GET1: variants seen among roughly 807,000 people sequenced by gnomAD.
GET1 encodes congenital heart disease 5 protein.
GET1 carries 20 observed loss-of-function variants against 22.6 expected under a neutral mutation model. The observed-to-expected ratio is 0.89, with a 90% confidence interval of 0.62 to 1.29. The LOEUF is 1.29. Ranked by LOEUF, GET1 falls within the 50% of genes most tolerant of loss-of-function variation. The pLI, the probability that GET1 is intolerant of heterozygous loss-of-function variation, is 0.00. For synonymous variants in GET1, 92 were observed against 83.8 expected, an observed-to-expected ratio of 1.10 and a Z score of -0.53; for missense variants, 209 against 219.9, an observed-to-expected ratio of 0.95 and a Z score of 0.31.
chr21:39,391,066 T>C lies in GET1; in HGVS notation c.268+203T>C, dbSNP rs1449012839. ...CCTTTGCTTTCTAAGCACAGAAATA[T>C]CTAAGATCCTCTCAGATTTTCCTCA... is the stretch of plus-strand genomic sequence containing the variant. On this transcript the variant is annotated intron_variant, in intron 2 of 4. Coordinates refer to ENST00000649170, the MANE Select transcript of GET1 (RefSeq NM_004627.6). 17 of 453,790 alleles carry C rather than the reference T, an allele frequency of 3.7e-5. No homozygotes were observed. The East Asian group carries it at 5.5e-4, about 15-fold the overall frequency. 28.1% of individuals were successfully genotyped at this position (453,790 alleles called of 1,614,324 possible).
chr21:39,409,955 T>C (rs2039806682), downstream of GET1: 2 of 1,260,258 alleles, frequency 1.6e-6, no homozygotes, highest in Non-Finnish European at 2.3e-6. This position sits in a 1 kb window ranked among gnomAD's most constrained non-coding sequence, Gnocchi z 4.2. Flanking sequence ...TCAGATAAGA[T>C]AGACTTTAAA....
downstream of GET1, among the ~76,000 whole-genome samples, chr21:39,399,573 T>C (rs1429782269): frequency 6.6e-6 from 1 of 152,064 alleles, no homozygotes; most frequent in Non-Finnish European, 1.5e-5. Context: ...GCCTCCCGAG[T>C]AGCTGGGACT....
chr21:39,391,752 C>G lies in GET1; in HGVS notation c.269-17C>G. On this transcript the variant is annotated splice_polypyrimidine_tract_variant and intron_variant, in intron 2 of 4. Coordinates refer to ENST00000649170, the MANE Select transcript of GET1 (RefSeq NM_004627.6). ...TTTCAGGACTGACATAATTATTTATCCTGTTTTTCCTTTCAGTGAAAGCTC... is the reference window on the plus strand; with the variant it reads ...TTTCAGGACTGACATAATTATTTATGCTGTTTTTCCTTTCAGTGAAAGCTC... 1 of 1,612,780 alleles carries G rather than the reference C, an allele frequency of 6.2e-7. No individual in the cohort carries two copies. The highest frequency in any genetic ancestry group is 8.5e-7 in the Non-Finnish European group (1 of 1,179,098).
chr21:39,410,953 G>C (rs1424258687), downstream of GET1: 1 of 470,462 alleles, frequency 2.1e-6, no homozygotes, highest in East Asian at 6.9e-5. Flanking sequence ...TATTCCTATG[G>C]TACTTCTGAG....
intron 4 of GET1, among the ~76,000 whole-genome samples, chr21:39,403,254 T>C (rs1419098904): frequency 2.6e-5 from 4 of 152,266 alleles, no homozygotes; most frequent in Non-Finnish European, 5.9e-5. Flanking sequence ...TTCTATGTTA[T>C]TCCACCTTGC....
At chr21:39,420,151 A>G (rs1218448631) in intron 1 of GET1, among the ~76,000 whole-genome samples, 1 of 152,128 alleles carries the variant, frequency 6.6e-6, no homozygotes, top group Non-Finnish European at 1.5e-5. Flanking sequence ...CAAGCTGTTA[A>G]CTCATTCTAA....
intron 1 of GET1, among the ~76,000 whole-genome samples, chr21:39,418,638 T>G (rs2041730436): frequency 6.6e-6 from 1 of 152,080 alleles, no homozygotes; most frequent in Non-Finnish European, 1.5e-5. Context: ...GTAATGGGAT[T>G]ACAGGCACGC....
At chr21:39,417,179 C>T (rs370889499) in intron 1 of GET1, among the ~76,000 whole-genome samples, 16 of 151,996 alleles carry the variant, frequency 1.1e-4, no homozygotes, top group African/African-American at 1.9e-4. Flanking sequence ...ATTACAGGCG[C>T]GCACCACCAC....
In GET1 at chr21:39,396,671, G is replaced by GC. The variant is rs1244381398; in HGVS notation, c.452-194dup. ...ATTGCACTCCAGCCTGGGGGACAGAGCGAGACTCCGTCTCAAAAAAAAAAA... is the reference window on the plus strand; with the variant it reads ...ATTGCACTCCAGCCTGGGGGACAGAGCCGAGACTCCGTCTCAAAAAAAAAAA... On this transcript the variant is annotated intron_variant, in intron 4 of 4. Coordinates refer to ENST00000649170, the MANE Select transcript of GET1 (RefSeq NM_004627.6). Among the ~76,000 whole-genome samples the GC allele has an allele frequency of 2.9e-5, 4 of 136,824 alleles. No homozygotes were observed. The East Asian group carries it at 8.6e-4, about 29-fold the overall frequency. The allele number at this position is 136,824 out of a possible 152,430, so 89.8% of individuals were successfully genotyped here.
intron 1 of GET1, among the ~76,000 whole-genome samples, chr21:39,427,237 T>C (rs570067512): frequency 6.6e-6 from 1 of 152,184 alleles, no homozygotes; most frequent in South Asian, 2.1e-4. Context: ...GGAATACTTA[T>C]GAGCTCAAGA....
At chr21:39,391,581 T>G in intron 2 of GET1, 188 bp from the exon 3 acceptor site, 1 of 590,512 alleles carries the variant, frequency 1.7e-6, no homozygotes, top group Non-Finnish European at 2.9e-6. Flanking sequence ...GGATACTATT[T>G]TAAATAATGG....
At chr21:39,414,865 C>G (rs968048221) in intron 1 of GET1, among the ~76,000 whole-genome samples, 3 of 151,652 alleles carry the variant, frequency 2.0e-5, no homozygotes, top group African/African-American at 7.3e-5. Context: ...TCCAGAAATT[C>G]TTTGTTAGAT....
At chr21:39,413,113 C>A (rs2040400405) in intron 1 of GET1, among the ~76,000 whole-genome samples, 1 of 152,162 alleles carries the variant, frequency 6.6e-6, no homozygotes, top group South Asian at 2.1e-4. Flanking sequence ...GTTTTAGCAG[C>A]CACATTCAGT....
At chr21:39,392,911 C>T in intron 3 of GET1, 1 of 415,240 alleles carries the variant, frequency 2.4e-6, no homozygotes, top group Non-Finnish European at 4.3e-6. Flanking sequence ...CATAGGAAGG[C>T]TCGCCTACTT....
At chr21:39,385,357 T>G (rs1021539001) in intron 1 of GET1, among the ~76,000 whole-genome samples, 35 of 152,146 alleles carry the variant, frequency 2.3e-4, no homozygotes, top group African/African-American at 8.4e-4. Context: ...TCAGAAGTCC[T>G]TGGGCCAGTT....
chr21:39,382,756 C>G (rs1218282640), intron 1 of GET1, among the ~76,000 whole-genome samples: 3 of 152,102 alleles, frequency 2.0e-5, no homozygotes, highest in African/African-American at 4.8e-5. Flanking sequence ...TTCAGTTTTT[C>G]TGGACATATA....
intron 1 of GET1, among the ~76,000 whole-genome samples, chr21:39,386,705 C>A (rs1385130610): frequency 6.6e-6 from 1 of 152,202 alleles, no homozygotes. Context: ...TTCAGAGATT[C>A]ACTTTTGTTC....
At chr21:39,387,682 T>TCC (rs2037998730) in intron 1 of GET1, 1 of 104,386 alleles carries the variant, frequency 9.6e-6, no homozygotes, top group African/African-American at 4.1e-5. Context: ...CCCCCCCTAC[T>TCC]CCCCACACTC....
intron 1 of GET1, among the ~76,000 whole-genome samples, chr21:39,388,874 GGCT>G (rs2146953190): frequency 6.6e-6 from 1 of 152,220 alleles, no homozygotes; most frequent in East Asian, 1.9e-4. Flanking sequence ...GGCCTGCGGG[GGCT>G]GCGCAGGCGG....
Sources: gnomAD v4.1 joint callset for allele counts (sites outside exome capture counted in the v4.1 genomes callset) on GRCh38, gnomAD v4.1.1 for gene constraint, Gnocchi (gnomAD v3.1) non-coding constraint, MANE v1.5 for transcripts, NCBI Gene and HGNC (gene_info 2026-07-23, HGNC 2026-07-21) for gene names.